The following WDFY3 variants were observed in gnomAD, a reference collection of about 807,000 sequenced individuals.
The protein encoded by WDFY3 is WD repeat and FYVE domain-containing protein 3.
A neutral mutation model predicts 409.6 loss-of-function variants in WDFY3; 66 were observed. The observed-to-expected ratio is 0.16, with a 90% CI of 0.13 to 0.20. The LOEUF is 0.20. Among genes scored for constraint, WDFY3 ranks in the 10% least tolerant of loss-of-function variants. The pLI is 1.00. For missense variants in WDFY3, 3,031 were observed against 4,298.1 expected, an observed-to-expected ratio of 0.71 and a Z score of 8.24; for synonymous variants, 1,521 against 1,537.1, an observed-to-expected ratio of 0.99 and a Z score of 0.25.
At chr4:84,929,104 C>T (rs757632780) in intron 2 of WDFY3, among the ~76,000 whole-genome samples, 4 of 152,166 alleles carry the variant, frequency 2.6e-5, no homozygotes, top group Non-Finnish European at 2.9e-5. Flanking sequence ...TGTTAGCTTG[C>T]ACTAATGGAA....
At chr4:84,736,585 C>T (rs555254541) in intron 41 of WDFY3, among the ~76,000 whole-genome samples, 9 of 152,142 alleles carry the variant, frequency 5.9e-5, no homozygotes, top group East Asian at 1.9e-4. Flanking sequence ...TTAACTATAA[C>T]GAGTTTCTAT....
At chr4:84,695,499 CAGAG>C (rs1217791319) in intron 58 of WDFY3, among the ~76,000 whole-genome samples, 1 of 73,072 alleles carries the variant, frequency 1.4e-5, no homozygotes, top group East Asian at 4.9e-4. Flanking sequence ...CACACAGAGA[CAGAG>C]AGAGATAGAG....
chr4:84,690,409 A>G, intron 61 of WDFY3, 97 bp downstream of exon 61: 19 of 1,558,644 alleles, frequency 1.2e-5, no homozygotes, highest in Non-Finnish European at 1.6e-5. Context: ...ATTAGATCTG[A>G]AGTACCTCAG....
chr4:84,735,896 C>G (rs148657637), intron 42 of WDFY3, among the ~76,000 whole-genome samples: 53 of 152,252 alleles, frequency 3.5e-4, no homozygotes, highest in Middle Eastern at 6.8e-3. Context: ...TTATTGAAAG[C>G]TGGGAAAATT....
chr4:84,696,654 G>T, intron 57 of WDFY3, 78 bp downstream of exon 57: 1 of 1,430,530 alleles, frequency 7.0e-7, no homozygotes, highest in Non-Finnish European at 9.8e-7. Context: ...GTGGTACTCT[G>T]GCTAGAGGCC....
intron 2 of WDFY3, among the ~76,000 whole-genome samples, chr4:84,923,391 C>A (rs1333887451): frequency 1.3e-5 from 2 of 152,204 alleles, no homozygotes; most frequent in Admixed American, 6.5e-5. Context: ...AGCCCCCCCA[C>A]CTTATTACAT....
intron 2 of WDFY3, among the ~76,000 whole-genome samples, chr4:84,931,914 G>C (rs1770814725): frequency 6.6e-6 from 1 of 152,004 alleles, no homozygotes; most frequent in Admixed American, 6.6e-5. Flanking sequence ...GAGTTTCAAA[G>C]CATGTGCTTT....
Position 84,737,240 on chromosome 4 carries a change from G to A in WDFY3, c.6701C>T (p.Ala2234Val). ...PVNERGHVDI[A>V]TARPLIEEAA... ...TTCTTCAATGAGTGGCCTTGCTGTA[G>A]CTATGTCCACGTGGCCCCTTTCATT... The change falls in exon 41 of 68, where the codon GCT becomes GTT. Residue 2234 changes from alanine to valine, a missense_variant. Coordinates refer to ENST00000295888, the MANE Select transcript of WDFY3 (RefSeq NM_014991.6). The A allele has an allele frequency of 6.2e-7, 1 of 1,614,088 alleles. No homozygotes were observed. Among genetic ancestry groups the A allele is most frequent in the Non-Finnish European group, 8.5e-7 (1 of 1,180,010 alleles).
intron 2 of WDFY3, among the ~76,000 whole-genome samples, chr4:84,898,190 G>A (rs1452082470): frequency 6.6e-6 from 1 of 152,196 alleles, no homozygotes; most frequent in Admixed American, 6.5e-5. Context: ...AGTGACTACT[G>A]TATTAGACAG....
In WDFY3 at chr4:84,691,897, C is replaced by T. The variant is rs943019261; in HGVS notation, c.9050-112G>A. The T allele has an allele frequency of 3.3e-5, 35 of 1,051,334 alleles. 1 individual carries two copies. The Admixed American group carries it at 6.0e-4, about 18-fold the overall frequency. 65.1% of individuals were successfully genotyped at this position (1,051,334 alleles called of 1,614,324 possible). The stretch of plus-strand genomic sequence containing the variant: ...TATAAATCAAGCATCCTGATACCTA[C>T]GTTGAGAAAAAATGATCTCTGAAAT... On this transcript the variant is annotated intron_variant, in intron 59 of 67. Coordinates refer to ENST00000295888, the MANE Select transcript of WDFY3 (RefSeq NM_014991.6).
At chr4:84,708,740 C>T (rs1732409186) in intron 53 of WDFY3, among the ~76,000 whole-genome samples, 169 bp downstream of exon 53, 1 of 152,036 alleles carries the variant, frequency 6.6e-6, no homozygotes, top group Non-Finnish European at 1.5e-5. Context: ...AGGGTTTCGC[C>T]CTGTTTCTCT....
chr4:84,890,657 A>C (rs918142054), intron 3 of WDFY3, among the ~76,000 whole-genome samples: 2 of 152,152 alleles, frequency 1.3e-5, no homozygotes, highest in Non-Finnish European at 2.9e-5. Context: ...CGGGGTTGAG[A>C]AATTTCTCAG....
chr4:84,946,651 A>C (rs940948264), intron 1 of WDFY3, among the ~76,000 whole-genome samples: 2 of 152,108 alleles, frequency 1.3e-5, no homozygotes, highest in Non-Finnish European at 2.9e-5. Context: ...TGTTCTAGAC[A>C]CCTAGGAGGG....
At chr4:84,675,031 C>A (rs868791383) in intron 67 of WDFY3, among the ~76,000 whole-genome samples, 10 of 151,222 alleles carry the variant, frequency 6.6e-5, no homozygotes, top group Admixed American at 2.0e-4. Context: ...AGTGCAGTGG[C>A]GTGATCTCGG....
chr4:84,696,693 A>G, intron 57 of WDFY3, 39 bp downstream of exon 57: 1 of 1,595,516 alleles, frequency 6.3e-7, no homozygotes, highest in African/African-American at 1.3e-5. Flanking sequence ...CAATGACCAA[A>G]TGAAATTCAA....
intron 3 of WDFY3, among the ~76,000 whole-genome samples, chr4:84,878,387 G>C (rs905328967): frequency 1.3e-5 from 2 of 152,100 alleles, no homozygotes; most frequent in African/African-American, 4.8e-5. Flanking sequence ...AATGCCAAAA[G>C]ATTGTGCAGA....
chr4:84,714,881 C>T (rs1229076361), intron 50 of WDFY3, among the ~76,000 whole-genome samples: 1 of 147,824 alleles, frequency 6.8e-6, no homozygotes, highest in South Asian at 2.1e-4. Context: ...ACCCGGGAGG[C>T]GGAGTTTGCA....
rs1737776355 is a variant in WDFY3, at chr4:84,738,118, A to G, written c.6575-752T>C. Reference sequence around the variant, plus strand: ...CATGTTTAAATGAAGGAATGAAATTAAAATGAGTGCTGGGCTTCTCAACAA... The same window carrying G: ...CATGTTTAAATGAAGGAATGAAATTGAAATGAGTGCTGGGCTTCTCAACAA... On this transcript the variant is annotated intron_variant, in intron 40 of 67. Transcript: ENST00000295888. Among the ~76,000 whole-genome samples, 8 of 152,216 alleles carry G rather than the reference A, an allele frequency of 5.3e-5. No individual in the cohort carries two copies. In the South Asian group the frequency reaches 1.7e-3, roughly 32 times the overall value.
At chr4:84,855,234 A>G (rs1578833181) in intron 4 of WDFY3, among the ~76,000 whole-genome samples, 1 of 152,216 alleles carries the variant, frequency 6.6e-6, no homozygotes, top group Non-Finnish European at 1.5e-5. Context: ...AACTTAACTT[A>G]AAACAGGAGG....
Sources: allele counts gnomAD v4.1 joint callset (sites outside exome capture counted in the v4.1 genomes callset), GRCh38; gene constraint gnomAD v4.1.1; transcripts MANE v1.5; gene names NCBI Gene and HGNC (gene_info 2026-07-23, HGNC 2026-07-21).